Variants in MMD observed in about 807,000 individuals in gnomAD.
MMD encodes the protein monocyte to macrophage differentiation factor.
Under a neutral mutation model 33.6 loss-of-function variants are expected in MMD, and 22 were observed. The ratio of observed to expected loss-of-function variants is 0.66; its 90% CI spans 0.47 to 0.94. The LOEUF (loss-of-function observed/expected upper bound fraction) is 0.94. Ranked by LOEUF, MMD falls within the 40% of genes least tolerant of loss-of-function variation. MMD has a pLI of 0.00. For missense variants in MMD, 242 were observed against 309.8 expected (o/e 0.78, Z 1.64); for synonymous variants, 97 against 103.2 (o/e 0.94, Z 0.36).
At chr17:55,404,375 T>A (rs900300273) in intron 4 of MMD, 7 of 809,830 alleles carry the variant, frequency 8.6e-6, no homozygotes, top group Non-Finnish European at 1.0e-5. Context: ...AGAATTAGTT[T>A]CAACATGGTT....
chr17:55,396,081 C>T (rs1269169040), intron 6 of MMD, among the ~76,000 whole-genome samples: 1 of 152,120 alleles, frequency 6.6e-6, no homozygotes, highest in Non-Finnish European at 1.5e-5. Context: ...GACACCAAAC[C>T]AAGTACGCAG....
intron 4 of MMD, among the ~76,000 whole-genome samples, chr17:55,405,070 T>A (rs535417413): frequency 6.7e-6 from 1 of 148,764 alleles, no homozygotes; most frequent in East Asian, 2.0e-4. Context: ...TCAAAAAAAA[T>A]AAATAAAATA....
chr17:55,417,019 T>C (rs572602895), intron 1 of MMD, among the ~76,000 whole-genome samples: 7 of 152,114 alleles, frequency 4.6e-5, no homozygotes, highest in South Asian at 2.1e-4. Flanking sequence ...TCCCATGCCA[T>C]GACAGAATTT....
rs938132125 is a variant in MMD, at chr17:55,396,568, TTAACTA to T, written c.517-2040_517-2035del. Among the ~76,000 whole-genome samples, 9 of 152,352 alleles carry T rather than the reference TTAACTA, an allele frequency of 5.9e-5. No homozygotes were observed. In the South Asian group the frequency reaches 6.2e-4, roughly 11 times the overall value. ...CCATTTTATCTTTTCTCTTGACTAC[TTAACTA>T]TAACATTTATTTTGCTTTTGTTGTT... On this transcript the variant is annotated intron_variant, in intron 6 of 6. Transcript: ENST00000262065.
chr17:55,413,541 T>G (rs1024908787), intron 2 of MMD, among the ~76,000 whole-genome samples: 3 of 152,212 alleles, frequency 2.0e-5, no homozygotes, highest in Non-Finnish European at 2.9e-5. Flanking sequence ...TGGTTAGTTT[T>G]GTTTTTCTTA....
intron 6 of MMD, 114 bp downstream of exon 6, chr17:55,401,355 G>T: frequency 2.3e-6 from 2 of 858,956 alleles, no homozygotes; most frequent in Non-Finnish European, 3.5e-6. Flanking sequence ...TTTCTTTTGA[G>T]CCTCTATTTA....
chr17:55,403,173 A>G (rs1907412227), intron 5 of MMD, among the ~76,000 whole-genome samples: 1 of 152,168 alleles, frequency 6.6e-6, no homozygotes, highest in Non-Finnish European at 1.5e-5. Flanking sequence ...GGAATAGGGG[A>G]CCTTGAAGGT....
chr17:55,401,393 A>G, intron 6 of MMD, 76 bp downstream of exon 6: 2 of 1,241,610 alleles, frequency 1.6e-6, no homozygotes, highest in East Asian at 4.8e-5. Flanking sequence ...AAGAAAAGCT[A>G]CATATCATAT....
At position 55,403,794 on chromosome 17, in the gene MMD, G is replaced by T. The variant is rs755921233; in HGVS notation, c.419C>A (p.Thr140Asn). Residue 140 changes from threonine (T) to asparagine (N), a missense_variant, in exon 5 of 7, where the codon ACC becomes AAC. Coordinates refer to ENST00000262065, the MANE Select transcript of MMD (RefSeq NM_012329.3). Reference sequence around the variant, plus strand: ...TTCATGGTAGAGAAATACATAAATGGTTCCTCCAGCTGCCATGAGCCAGAT... The same window carrying T: ...TTCATGGTAGAGAAATACATAAATGTTTCCTCCAGCTGCCATGAGCCAGAT... Reference protein sequence around the residue: ...WFIWLMAAGGTIYVFLYHEKY... With the variant: ...WFIWLMAAGGNIYVFLYHEKY... The T allele has an allele frequency of 7.4e-6, 12 of 1,612,814 alleles. No homozygotes were observed. The highest frequency in any genetic ancestry group is 1.0e-5 in the Non-Finnish European group (12 of 1,179,438).
chr17:55,401,544 G>A lies in MMD; in HGVS notation c.447-6C>T. On this transcript the variant is annotated splice_polypyrimidine_tract_variant and splice_region_variant and intron_variant, in intron 5 of 6. Coordinates refer to ENST00000262065, the MANE Select transcript of MMD (RefSeq NM_012329.3). ...AGAGTTCAACCACCTTATATCTGCA[G>A]GAACAAAAATGCAGTTAATTTAACT... The A allele has an allele frequency of 6.2e-7, 1 of 1,602,484 alleles. No individual in the cohort carries two copies. The highest frequency in any genetic ancestry group is 8.5e-7 in the Non-Finnish European group (1 of 1,174,570).
chr17:55,412,204 A>C (rs1907793428), intron 2 of MMD, among the ~76,000 whole-genome samples: 1 of 152,236 alleles, frequency 6.6e-6, no homozygotes, highest in Non-Finnish European at 1.5e-5. Context: ...TAGGTATTAT[A>C]ATGTACATAG....
At chr17:55,407,142 A>G (rs1598432436) in intron 4 of MMD, among the ~76,000 whole-genome samples, 1 of 152,174 alleles carries the variant, frequency 6.6e-6, no homozygotes, top group East Asian at 1.9e-4. Context: ...CAGCCTGGCC[A>G]ACATGGTGAA....
intron 1 of MMD, among the ~76,000 whole-genome samples, chr17:55,415,541 A>G (rs1310526911): frequency 6.6e-6 from 1 of 152,256 alleles, no homozygotes; most frequent in Non-Finnish European, 1.5e-5. Flanking sequence ...AAATTGGCTA[A>G]AACGCATGAC....
intron 5 of MMD, among the ~76,000 whole-genome samples, chr17:55,402,316 C>T (rs1423761907): frequency 6.6e-6 from 1 of 152,000 alleles, no homozygotes; most frequent in Non-Finnish European, 1.5e-5. Flanking sequence ...AAGGAAAGGA[C>T]GTGTAATTTT....
At chr17:55,406,823 T>C (rs980579849) in intron 4 of MMD, among the ~76,000 whole-genome samples, 1 of 151,340 alleles carries the variant, frequency 6.6e-6, no homozygotes, top group African/African-American at 2.4e-5. Flanking sequence ...GAGGTGGAGG[T>C]TGCAGTGAGC....
chr17:55,418,044 G>A (rs577017695), intron 1 of MMD, among the ~76,000 whole-genome samples: 3 of 152,282 alleles, frequency 2.0e-5, no homozygotes, highest in Admixed American at 1.3e-4. Context: ...GTCTGCCTCT[G>A]GGCATGTGTA....
intron 3 of MMD, among the ~76,000 whole-genome samples, chr17:55,408,862 G>A (rs1476425684): frequency 1.3e-5 from 2 of 152,096 alleles, no homozygotes; most frequent in Non-Finnish European, 2.9e-5. Flanking sequence ...TTAGCCAGGT[G>A]TGGTGGCGCA....
intron 6 of MMD, among the ~76,000 whole-genome samples, chr17:55,394,743 G>C (rs761261688): frequency 4.6e-5 from 7 of 152,192 alleles, no homozygotes; most frequent in Non-Finnish European, 1.0e-4. Context: ...CTCTTGAGTT[G>C]AGCAAGCAAT....
chr17:55,419,510 C>A (rs948141634), intron 1 of MMD, among the ~76,000 whole-genome samples: 5 of 152,224 alleles, frequency 3.3e-5, no homozygotes, highest in Non-Finnish European at 5.9e-5. Context: ...CCTTCAAAGA[C>A]AGTGTGTCTC....
Sources: gnomAD v4.1 joint callset for allele counts (sites outside exome capture counted in the v4.1 genomes callset) on GRCh38, gnomAD v4.1.1 for gene constraint, MANE v1.5 for transcripts, NCBI Gene and HGNC (gene_info 2026-07-23, HGNC 2026-07-21) for gene names.